The following TMPRSS11D variants were observed in gnomAD, a reference collection of about 807,000 sequenced individuals.
TMPRSS11D encodes transmembrane protease serine 11D.
Under a neutral mutation model 44.4 loss-of-function variants are expected in TMPRSS11D, and 32 were observed. That is an observed-to-expected ratio of 0.72 (90% CI 0.54 to 0.97). The LOEUF is 0.97. Among genes scored for constraint, TMPRSS11D ranks in the 50% least tolerant of loss-of-function variants. The pLI, the probability that TMPRSS11D is intolerant of heterozygous loss-of-function variation, is 0.00. For synonymous variants in TMPRSS11D, 179 were observed against 177.9 expected, an observed-to-expected ratio of 1.01 and a Z score of -0.05; for missense variants, 446 against 502.6, an observed-to-expected ratio of 0.89 and a Z score of 1.08.
chr4:67,848,013 T>C (rs943452989), intron 3 of TMPRSS11D, among the ~76,000 whole-genome samples: 1 of 152,242 alleles, frequency 6.6e-6, no homozygotes, highest in Non-Finnish European at 1.5e-5. Flanking sequence ...CAATCAATTC[T>C]TGTTAAATGG....
intron 6 of TMPRSS11D, chr4:67,833,586 T>A (rs976181566): frequency 4.8e-6 from 2 of 418,848 alleles, no homozygotes; most frequent in Non-Finnish European, 4.0e-6. Context: ...TTGGAGAACA[T>A]TTCTGAATTT....
intron 1 of TMPRSS11D, among the ~76,000 whole-genome samples, chr4:67,870,462 T>C (rs1577831031): frequency 6.6e-6 from 1 of 152,190 alleles, no homozygotes; most frequent in Non-Finnish European, 1.5e-5. Flanking sequence ...CCTGGCCTCT[T>C]GTATGTCTTT....
chr4:67,840,446 G>A (rs1301625883), intron 4 of TMPRSS11D, among the ~76,000 whole-genome samples: 1 of 151,890 alleles, frequency 6.6e-6, no homozygotes, highest in African/African-American at 2.4e-5. Flanking sequence ...ATACCAAGGT[G>A]GAATCAAAGT....
chr4:67,846,289 A>G (rs1210466774), intron 3 of TMPRSS11D, among the ~76,000 whole-genome samples: 2 of 152,006 alleles, frequency 1.3e-5, no homozygotes, highest in Non-Finnish European at 2.9e-5. Context: ...ATGTAATAAT[A>G]CTACATTACT....
At chr4:67,851,613 T>A (rs542618638) in intron 3 of TMPRSS11D, among the ~76,000 whole-genome samples, 1 of 152,300 alleles carries the variant, frequency 6.6e-6, no homozygotes, top group South Asian at 2.1e-4. Context: ...TATTGCTGGC[T>A]CCAGCTTAGA....
chr4:67,867,783 C>A (rs776575217), intron 1 of TMPRSS11D, among the ~76,000 whole-genome samples: 2 of 152,102 alleles, frequency 1.3e-5, no homozygotes, highest in Non-Finnish European at 2.9e-5. Context: ...TAAACTGTTA[C>A]ACCAGTTGGA....
At chr4:67,829,074 CT>C (rs1717877912) in intron 7 of TMPRSS11D, among the ~76,000 whole-genome samples, 1 of 151,998 alleles carries the variant, frequency 6.6e-6, no homozygotes, top group South Asian at 2.1e-4. Flanking sequence ...AGGCATCCAC[CT>C]TTCAGTCCTG....
At chr4:67,823,595 T>C (rs1717705695) in intron 9 of TMPRSS11D, among the ~76,000 whole-genome samples, 1 of 152,104 alleles carries the variant, frequency 6.6e-6, no homozygotes, top group Admixed American at 6.6e-5. Context: ...TCAGCTATTA[T>C]TACCAAGTGT....
At chr4:67,857,254 C>T (rs529053923) in intron 2 of TMPRSS11D, among the ~76,000 whole-genome samples, 32 of 135,148 alleles carry the variant, frequency 2.4e-4, no homozygotes, top group African/African-American at 7.2e-4. Flanking sequence ...AACAAATGAA[C>T]GGATAAAGAA....
At chr4:67,838,025 A>C in intron 5 of TMPRSS11D, 147 bp downstream of exon 5, 1 of 560,796 alleles carries the variant, frequency 1.8e-6, no homozygotes, top group Non-Finnish European at 2.9e-6. Flanking sequence ...TTAGGGAGCT[A>C]TATGGTATAT....
chr4:67,841,823 G>C (rs1315778796), intron 4 of TMPRSS11D, among the ~76,000 whole-genome samples: 1 of 152,136 alleles, frequency 6.6e-6, no homozygotes, highest in Non-Finnish European at 1.5e-5. Flanking sequence ...ATACTTACTA[G>C]GTGACTCTCC....
At chr4:67,828,687 C>G (rs1203443474) in intron 7 of TMPRSS11D, among the ~76,000 whole-genome samples, 1 of 152,092 alleles carries the variant, frequency 6.6e-6, no homozygotes, top group Non-Finnish European at 1.5e-5. Flanking sequence ...GATCAAGATT[C>G]TGAAGTATTT....
intron 6 of TMPRSS11D, 150 bp downstream of exon 6, chr4:67,834,933 G>C: frequency 1.4e-6 from 1 of 711,658 alleles, no homozygotes; most frequent in Admixed American, 2.3e-5. Flanking sequence ...CTTGGGATCA[G>C]CACTGTCTTG....
At chr4:67,857,780 A>G (rs1334170312) in intron 2 of TMPRSS11D, among the ~76,000 whole-genome samples, 2 of 152,266 alleles carry the variant, frequency 1.3e-5, no homozygotes, top group South Asian at 2.1e-4. Flanking sequence ...GATAAATGGT[A>G]TAAGTTTTAT....
At chr4:67,868,573 A>G (rs1444879364) in intron 1 of TMPRSS11D, among the ~76,000 whole-genome samples, 2 of 152,244 alleles carry the variant, frequency 1.3e-5, no homozygotes, top group African/African-American at 4.8e-5. Flanking sequence ...CAGAAGAGGT[A>G]GAAGTGCAAA....
chr4:67,865,843 G>GA (rs565905559), intron 1 of TMPRSS11D, among the ~76,000 whole-genome samples: 140 of 151,354 alleles, frequency 9.2e-4, no homozygotes, highest in Non-Finnish European at 1.5e-3. Flanking sequence ...AATTGAATAA[G>GA]AAAAAAAACA....
chr4:67,827,176 T>G, intron 8 of TMPRSS11D, 85 bp downstream of exon 8: 1 of 1,483,018 alleles, frequency 6.7e-7, no homozygotes, highest in Non-Finnish European at 9.0e-7. Flanking sequence ...GAAACACCTA[T>G]TCCAGATGTT....
rs200224935 is a variant in TMPRSS11D, at chr4:67,835,088, A to G, written c.509T>C (p.Ile170Thr). 32 of 1,612,432 alleles carry G rather than the reference A, an allele frequency of 2.0e-5. 1 individual carries two copies. In the Admixed American group the frequency reaches 4.5e-4, roughly 23 times the overall value. Residue 170 changes from isoleucine to threonine, a missense_variant, in exon 6 of 10, where the codon ATT becomes ACT. Ile to Thr is a moderately conservative substitution (Grantham distance 89, BLOSUM62 -1). Coordinates refer to ENST00000283916, the MANE Select transcript of TMPRSS11D (RefSeq NM_004262.3). ...LTDQAAANWL[I>T]NECGAGPDLI... ...AAAATAATATTAAAACTTACCATTA[A>G]TAAGCCAATTTGCTGCAGCCTGGTC...
At chr4:67,852,814 G>A (rs753493445) in intron 3 of TMPRSS11D, among the ~76,000 whole-genome samples, 1 of 152,080 alleles carries the variant, frequency 6.6e-6, no homozygotes, top group South Asian at 2.1e-4. Context: ...GCATCAACCC[G>A]ACCAAATGTT....
Sources: gnomAD v4.1 joint callset for allele counts (sites outside exome capture counted in the v4.1 genomes callset) on GRCh38, gnomAD v4.1.1 for gene constraint, MANE v1.5 for transcripts, NCBI Gene and HGNC (gene_info 2026-07-23, HGNC 2026-07-21) for gene names.